Variants in MPPED2 observed in about 807,000 individuals in gnomAD.
The protein encoded by MPPED2 is metallophosphoesterase MPPED2.
In MPPED2, 5 loss-of-function variants were observed where a neutral mutation model predicts 33.0. That is an observed-to-expected ratio of 0.15 (90% CI 0.08 to 0.32). MPPED2 has a LOEUF of 0.32. Among genes scored for constraint, MPPED2 ranks in the 10% least tolerant of loss-of-function variants. The pLI, the probability that MPPED2 is intolerant of heterozygous loss-of-function variation, is 1.00. For synonymous variants in MPPED2, 136 were observed against 141.9 expected (o/e 0.96, Z 0.29); for missense variants, 275 against 372.1 (o/e 0.74, Z 2.15).
intron 2 of MPPED2, among the ~76,000 whole-genome samples, chr11:30,541,024 G>C (rs1039184522): frequency 6.6e-6 from 1 of 152,166 alleles, no homozygotes. Context: ...GAACCAATGA[G>C]CTGTTCATCA....
At chr11:30,542,594 C>T (rs1590787440) in intron 2 of MPPED2, among the ~76,000 whole-genome samples, 1 of 151,760 alleles carries the variant, frequency 6.6e-6, no homozygotes, top group African/African-American at 2.4e-5. Context: ...TGTGCCACTG[C>T]ACTCCAGCCT....
intron 3 of MPPED2, among the ~76,000 whole-genome samples, chr11:30,519,867 C>A (rs934053285): frequency 2.6e-5 from 4 of 152,114 alleles, no homozygotes; most frequent in Non-Finnish European, 5.9e-5. Context: ...AAGAACTATA[C>A]AGGACTTGGT....
intron 2 of MPPED2, among the ~76,000 whole-genome samples, chr11:30,578,343 G>A (rs942201261): frequency 1.3e-5 from 2 of 152,174 alleles, no homozygotes; most frequent in African/African-American, 4.8e-5. Flanking sequence ...AGGTACACTG[G>A]AACTAGCCTG....
intron 4 of MPPED2, among the ~76,000 whole-genome samples, chr11:30,442,840 A>G (rs1003047786): frequency 3.9e-5 from 6 of 152,284 alleles, no homozygotes; most frequent in African/African-American, 1.4e-4. Context: ...ACAGATCCCA[A>G]TTCTACAAAA....
chr11:30,463,916 T>C (rs1477469055), intron 4 of MPPED2, among the ~76,000 whole-genome samples: 2 of 151,112 alleles, frequency 1.3e-5, no homozygotes, highest in Non-Finnish European at 3.0e-5. Context: ...AACCCTACAA[T>C]GGTGAATTTT....
At chr11:30,571,825 TA>T (rs1228159141) in intron 2 of MPPED2, among the ~76,000 whole-genome samples, 2 of 152,214 alleles carry the variant, frequency 1.3e-5, no homozygotes, top group Non-Finnish European at 2.9e-5. Context: ...CTCATCTTCA[TA>T]AGCTTTGAAA....
intron 6 of MPPED2, among the ~76,000 whole-genome samples, chr11:30,394,985 C>T (rs1233156138): frequency 2.6e-5 from 4 of 152,066 alleles, no homozygotes; most frequent in South Asian, 4.1e-4. Flanking sequence ...GTCTTTGCAC[C>T]TTTTTCAAAA....
intron 4 of MPPED2, among the ~76,000 whole-genome samples, chr11:30,447,765 T>G (rs538356549): frequency 6.6e-6 from 1 of 152,274 alleles, no homozygotes; most frequent in East Asian, 1.9e-4. Flanking sequence ...AGGGGTCTGC[T>G]TCAGAATGAA....
intron 2 of MPPED2, among the ~76,000 whole-genome samples, chr11:30,571,483 T>C (rs1170791700): frequency 6.6e-6 from 1 of 151,458 alleles, no homozygotes; most frequent in Non-Finnish European, 1.5e-5. Context: ...TTACATTAAA[T>C]AACAAAAAAA....
chr11:30,384,101 A>T (rs1395325409), downstream of MPPED2, among the ~76,000 whole-genome samples: 2 of 152,162 alleles, frequency 1.3e-5, no homozygotes, highest in Non-Finnish European at 2.9e-5. Flanking sequence ...ATTTTATTTC[A>T]GCAAACATCT....
chr11:30,515,495 A>T (rs1953478495), intron 3 of MPPED2, among the ~76,000 whole-genome samples: 1 of 152,196 alleles, frequency 6.6e-6, no homozygotes, highest in African/African-American at 2.4e-5. Flanking sequence ...ACTAGGGGCT[A>T]GAGAAAACTG....
At chr11:30,478,374 A>C (rs919765165) in intron 4 of MPPED2, among the ~76,000 whole-genome samples, 1 of 152,148 alleles carries the variant, frequency 6.6e-6, no homozygotes, top group Non-Finnish European at 1.5e-5. Flanking sequence ...AGAATGAAAA[A>C]AACAAAATTC....
chr11:30,484,113 C>T (rs553927745), intron 4 of MPPED2, among the ~76,000 whole-genome samples: 1 of 152,062 alleles, frequency 6.6e-6, no homozygotes, highest in African/African-American at 2.4e-5. Context: ...AATTTTAGCA[C>T]CATTTTTTAT....
At chr11:30,567,346 C>T (rs1956489948) in intron 2 of MPPED2, among the ~76,000 whole-genome samples, 1 of 152,192 alleles carries the variant, frequency 6.6e-6, no homozygotes, top group African/African-American at 2.4e-5. Context: ...GAATTTTGAG[C>T]TTAACTCAAT....
intron 4 of MPPED2, among the ~76,000 whole-genome samples, chr11:30,470,318 G>T (rs1353334190): frequency 6.6e-6 from 1 of 152,054 alleles, no homozygotes; most frequent in Non-Finnish European, 1.5e-5. Flanking sequence ...GTTGATTGAA[G>T]AATATATAAA....
At chr11:30,451,005 T>C (rs1950034881) in intron 4 of MPPED2, among the ~76,000 whole-genome samples, 1 of 152,214 alleles carries the variant, frequency 6.6e-6, no homozygotes, top group South Asian at 2.1e-4. Context: ...GGAAATAATC[T>C]GTGAGCACAA....
At chr11:30,558,152 A>G (rs1227115612) in intron 2 of MPPED2, among the ~76,000 whole-genome samples, 1 of 152,130 alleles carries the variant, frequency 6.6e-6, no homozygotes, top group Admixed American at 6.5e-5. Context: ...ACACACGTAT[A>G]TATTTTGTAT....
chr11:30,449,294 G>A (rs1949947194), intron 4 of MPPED2, among the ~76,000 whole-genome samples: 1 of 152,172 alleles, frequency 6.6e-6, no homozygotes, highest in African/African-American at 2.4e-5. Flanking sequence ...TCCAGGATAT[G>A]CCACCCCCAA....
chr11:30,500,001 T>G (rs1952483471), intron 3 of MPPED2, among the ~76,000 whole-genome samples: 1 of 152,172 alleles, frequency 6.6e-6, no homozygotes, highest in South Asian at 2.1e-4. Flanking sequence ...CTCCCCTCTC[T>G]GATTTCTTCT....
Sources: allele counts gnomAD v4.1 joint callset (sites outside exome capture counted in the v4.1 genomes callset), GRCh38; gene constraint gnomAD v4.1.1; transcripts MANE v1.5; gene names NCBI Gene and HGNC (gene_info 2026-07-23, HGNC 2026-07-21).